Variants in DYSF observed in about 807,000 individuals in gnomAD.
The protein encoded by DYSF is dysferlin, also known as dystrophy-associated fer-1-like 1.
DYSF carries 212 observed loss-of-function variants against 274.9 expected under a neutral mutation model. The observed-to-expected ratio is 0.77, with a 90% CI of 0.69 to 0.86. The LOEUF (loss-of-function observed/expected upper bound fraction) is 0.86. DYSF is among the 40% of genes least tolerant of loss of function. The pLI is 0.00. For missense variants in DYSF, 2,666 were observed against 2,783.2 expected (o/e 0.96, Z 0.95); for synonymous variants, 1,091 against 1,078.7 (o/e 1.01, Z -0.22).
intron 26 of DYSF, 32 bp downstream of exon 26, chr2:71,568,370 C>G: frequency 3.1e-6 from 5 of 1,611,234 alleles, no homozygotes; most frequent in Non-Finnish European, 4.2e-6. Context: ...CTGGGGAGAG[C>G]CAGGCCAGGC....
intron 5 of DYSF, 44 bp downstream of exon 5, chr2:71,511,965 C>T (rs1415439849): frequency 8.0e-6 from 10 of 1,253,714 alleles, no homozygotes; most frequent in African/African-American, 4.5e-5. Flanking sequence ...GCAAGAAGGC[C>T]GGCAGTGGCA....
At position 71,611,593 on chromosome 2, in the gene DYSF, C is replaced by T. The variant is rs774464702; in HGVS notation, c.4188C>T (p.Pro1396=). The part of the protein sequence containing the change: ...SCVIRNLRKN[P]NFDICTLFME... ...TCATCAGGAACCTCCGGAAGAACCC[C>T]AACTTTGACATCTGCACCCTCTTCA... Residue 1396 remains proline, a synonymous_variant, in exon 38 of 56, where the codon CCC becomes CCT. Transcript: ENST00000410020. 35 of 1,613,944 alleles carry T rather than the reference C, an allele frequency of 2.2e-5. No individual in the cohort carries two copies. Among genetic ancestry groups the T allele is most frequent in the Middle Eastern group, 3.3e-4 (2 of 6,070 alleles).
intron 36 of DYSF, among the ~76,000 whole-genome samples, chr2:71,606,354 G>C (rs1186604163): frequency 6.6e-6 from 1 of 152,128 alleles, no homozygotes; most frequent in Non-Finnish European, 1.5e-5. Context: ...AGCAAGACGG[G>C]AGCTGGTCAA....
At chr2:71,668,267 ATCT>A (rs1021466348) in intron 48 of DYSF, among the ~76,000 whole-genome samples, 7 of 152,182 alleles carry the variant, frequency 4.6e-5, no homozygotes, top group Non-Finnish European at 7.4e-5. Flanking sequence ...CAGCTCTTTC[ATCT>A]TCTAGTTCTG....
chr2:71,470,333 G>A (rs1244131215), intron 1 of DYSF, among the ~76,000 whole-genome samples: 2 of 152,130 alleles, frequency 1.3e-5, no homozygotes, highest in East Asian at 1.9e-4. Flanking sequence ...TGAAGGCCCC[G>A]GACTCTCTGA....
intron 32 of DYSF, among the ~76,000 whole-genome samples, chr2:71,591,008 G>C (rs1558557751): frequency 6.6e-6 from 1 of 152,178 alleles, no homozygotes; most frequent in East Asian, 1.9e-4. Context: ...CTGATTTCAA[G>C]TATAGACACT....
At chr2:71,597,958 A>T (rs1291124092) in intron 32 of DYSF, among the ~76,000 whole-genome samples, 1 of 152,120 alleles carries the variant, frequency 6.6e-6, no homozygotes, top group East Asian at 1.9e-4. Flanking sequence ...TGAAACGCAG[A>T]CCTAGCCACG....
intron 17 of DYSF, chr2:71,549,305 C>T (rs764203171): frequency 6.3e-7 from 1 of 1,597,844 alleles, no homozygotes; most frequent in East Asian, 2.2e-5. Flanking sequence ...GTCCTTCTCC[C>T]AGCCATGCCC....
Position 71,568,564 on chromosome 2 carries a change from A to T in DYSF, c.2864+226A>T, listed in dbSNP as rs918769075. Reference sequence around the variant, plus strand: ...GTCCTTTATTCTTTTCATTAAAAAAATTTTTTTTTTTTTTTGAGACAGAGT... The same window carrying T: ...GTCCTTTATTCTTTTCATTAAAAAATTTTTTTTTTTTTTTTGAGACAGAGT... On this transcript the variant is annotated intron_variant, in intron 26 of 55. Coordinates refer to ENST00000410020, the MANE Select transcript of DYSF (RefSeq NM_001130987.2). Among the ~76,000 whole-genome samples the T allele has an allele frequency of 1.4e-3, 206 of 146,244 alleles. 1 individual carries two copies. Among genetic ancestry groups the T allele is most frequent in the East Asian group, 4.0e-3 (20 of 5,002 alleles).
intron 30 of DYSF, among the ~76,000 whole-genome samples, chr2:71,584,437 C>A (rs1273523014): frequency 6.6e-6 from 1 of 152,268 alleles, no homozygotes; most frequent in East Asian, 1.9e-4. Context: ...TCCATCCCAC[C>A]CCACAGATGG....
intron 41 of DYSF, among the ~76,000 whole-genome samples, chr2:71,628,901 A>G (rs2094260234): frequency 6.6e-6 from 1 of 152,160 alleles, no homozygotes; most frequent in Non-Finnish European, 1.5e-5. Flanking sequence ...GCAGTGAGCC[A>G]TGATTGTGCC....
intron 14 of DYSF, among the ~76,000 whole-genome samples, chr2:71,529,915 A>C (rs1479331644): frequency 1.3e-5 from 2 of 152,190 alleles, no homozygotes; most frequent in Non-Finnish European, 2.9e-5. Context: ...TCTAATGTTA[A>C]ATCAGTCATT....
At chr2:71,486,137 TCATGCAG>T (rs1197401638) in intron 3 of DYSF, among the ~76,000 whole-genome samples, 3 of 152,082 alleles carry the variant, frequency 2.0e-5, no homozygotes, top group African/African-American at 4.8e-5. Context: ...CCCGGAGTCA[TCATGCAG>T]CCACCCGTTT....
At chr2:71,482,929 G>T (rs753876345) in intron 3 of DYSF, among the ~76,000 whole-genome samples, 2 of 152,176 alleles carry the variant, frequency 1.3e-5, no homozygotes, top group African/African-American at 2.4e-5. Context: ...TGGGAACTGG[G>T]TCAGTGGTGT....
chr2:71,667,395 C>T lies in DYSF; in HGVS notation c.5337C>T (p.Asn1779=). The change falls in exon 48 of 56, where the codon AAC becomes AAT. Residue 1779 remains asparagine (N), a synonymous_variant. Transcript: ENST00000410020. The part of the protein sequence containing the change: ...IEEIEAGRIP[N]PHLGPVEERL... ...GGGCAGAGGCTGGCAGGATCCCAAA[C>T]CCACACCTGGGCCCAGTGGAGGAGC... 1 of 1,614,126 alleles carries T rather than the reference C, an allele frequency of 6.2e-7. No homozygotes were observed. Among genetic ancestry groups the T allele is most frequent in the Admixed American group, 1.7e-5 (1 of 60,026 alleles).
At chr2:71,637,960 G>A (rs941141863) in intron 41 of DYSF, among the ~76,000 whole-genome samples, 9 of 152,232 alleles carry the variant, frequency 5.9e-5, no homozygotes, top group South Asian at 2.1e-4. Flanking sequence ...AAGGTCATAG[G>A]CCATTCGTCT....
intron 16 of DYSF, among the ~76,000 whole-genome samples, chr2:71,538,096 C>T (rs2089574094): frequency 6.6e-6 from 1 of 152,210 alleles, no homozygotes; most frequent in African/African-American, 2.4e-5. Context: ...CCAGCTTTGC[C>T]ATCTTGGCAA....
At chr2:71,672,951 G>A (rs142811504) in intron 51 of DYSF, among the ~76,000 whole-genome samples, 225 of 152,336 alleles carry the variant, frequency 1.5e-3, no homozygotes, top group Middle Eastern at 3.4e-3. Context: ...TAGTCCTCAC[G>A]GGGCAGGGGT....
At chr2:71,569,358 C>T in intron 26 of DYSF, among the ~76,000 whole-genome samples, 1 of 152,174 alleles carries the variant, frequency 6.6e-6, no homozygotes, top group Non-Finnish European at 1.5e-5. Flanking sequence ...TGGTCCTTCT[C>T]CATGTCTATT....
Sources: allele counts gnomAD v4.1 joint callset (sites outside exome capture counted in the v4.1 genomes callset), GRCh38; gene constraint gnomAD v4.1.1; transcripts MANE v1.5; gene names NCBI Gene and HGNC (gene_info 2026-07-23, HGNC 2026-07-21).